PLCXD3: variants seen among roughly 807,000 people sequenced by gnomAD.
PLCXD3 encodes phosphatidylinositol specific phospholipase C X domain containing 3, also known as PI-PLC X domain-containing protein 3.
In PLCXD3, 19 loss-of-function variants were observed where a neutral mutation model predicts 25.5. The ratio of observed to expected loss-of-function variants is 0.75; its 90% CI spans 0.52 to 1.09. The LOEUF (loss-of-function observed/expected upper bound fraction) is 1.09. PLCXD3 is among the 50% of genes least tolerant of loss of function. The pLI is 0.00. For synonymous variants in PLCXD3, 174 were observed against 137.6 expected, an observed-to-expected ratio of 1.26 and a Z score of -1.85; for missense variants, 411 against 388.1, an observed-to-expected ratio of 1.06 and a Z score of -0.50.
intron 1 of PLCXD3, among the ~76,000 whole-genome samples, chr5:41,463,567 T>G (rs1285108069): frequency 6.6e-6 from 1 of 151,994 alleles, no homozygotes; most frequent in Admixed American, 6.6e-5. Context: ...CTGTTTCTCA[T>G]GTAAGAGATT....
At chr5:41,427,936 G>C (rs1198674785) in intron 1 of PLCXD3, among the ~76,000 whole-genome samples, 1 of 152,146 alleles carries the variant, frequency 6.6e-6, no homozygotes, top group Non-Finnish European at 1.5e-5. Context: ...CAAACACCTT[G>C]CATTTCTACC....
chr5:41,423,972 T>G (rs941402856), intron 1 of PLCXD3, among the ~76,000 whole-genome samples: 2 of 152,206 alleles, frequency 1.3e-5, no homozygotes, highest in African/African-American at 4.8e-5. Context: ...GTGAGAATAC[T>G]TAAGACCAAC....
chr5:41,385,461 T>C (rs1745607152), intron 1 of PLCXD3, among the ~76,000 whole-genome samples: 1 of 152,148 alleles, frequency 6.6e-6, no homozygotes, highest in South Asian at 2.1e-4. Flanking sequence ...TTGGTTGCTT[T>C]GGCTCTGAAT....
intron 2 of PLCXD3, among the ~76,000 whole-genome samples, chr5:41,320,139 C>G (rs1186412477): frequency 6.6e-6 from 1 of 151,958 alleles, no homozygotes; most frequent in African/African-American, 2.4e-5. Context: ...AAGAAAACCC[C>G]GAGACCTGAT....
chr5:41,488,299 G>T (rs1748567827), intron 1 of PLCXD3, among the ~76,000 whole-genome samples: 7 of 134,604 alleles, frequency 5.2e-5, no homozygotes, highest in African/African-American at 1.5e-4. Context: ...TGGTGTATAT[G>T]TGCCACATTT....
intron 1 of PLCXD3, among the ~76,000 whole-genome samples, chr5:41,492,448 G>A (rs1259870330): frequency 4.5e-4 from 69 of 151,882 alleles, no homozygotes; most frequent in African/African-American, 1.3e-3. Context: ...TCTTTGTGGC[G>A]TTCTCTGTAT....
intron 1 of PLCXD3, among the ~76,000 whole-genome samples, chr5:41,466,973 T>C (rs543054179): frequency 6.6e-6 from 1 of 152,288 alleles, no homozygotes; most frequent in East Asian, 1.9e-4. Context: ...GACACTTAGG[T>C]TGATTCTATA....
chr5:41,407,965 C>T (rs1026409041), intron 1 of PLCXD3, among the ~76,000 whole-genome samples: 1 of 152,098 alleles, frequency 6.6e-6, no homozygotes, highest in Non-Finnish European at 1.5e-5. Context: ...TTTGAGAAGT[C>T]CTATTTTACT....
At chr5:41,409,828 T>C (rs1194009661) in intron 1 of PLCXD3, among the ~76,000 whole-genome samples, 1 of 152,220 alleles carries the variant, frequency 6.6e-6, no homozygotes, top group Non-Finnish European at 1.5e-5. Context: ...ATATCACTAC[T>C]TATAAAGATT....
At chr5:41,487,921 TTTA>T (rs1302462992) in intron 1 of PLCXD3, among the ~76,000 whole-genome samples, 4 of 152,016 alleles carry the variant, frequency 2.6e-5, no homozygotes, top group Non-Finnish European at 5.9e-5. Context: ...ATTTTTTAAT[TTTA>T]TTATTATTAT....
At position 41,382,377 on chromosome 5, in the gene PLCXD3, C is replaced by T. The variant is rs761218496; in HGVS notation, c.261G>A (p.Gln87=). 20 of 1,613,356 alleles carry T rather than the reference C, an allele frequency of 1.2e-5. No individual in the cohort carries two copies. The Admixed American group carries it at 1.5e-4, about 12-fold the overall frequency. The change falls in exon 2 of 3, where the codon CAG becomes CAA. Residue 87 remains glutamine, a synonymous_variant. Coordinates refer to ENST00000377801, the MANE Select transcript of PLCXD3 (RefSeq NM_001005473.3). The part of the protein sequence containing the change: ...LATQTMNFTG[Q]LGAGIRYFDL... ...CAAAATAACGAATTCCAGCTCCTAG[C>T]TGGCCAGTAAAATTCATTGTCTGAG...
chr5:41,370,753 A>C (rs1178510971), intron 2 of PLCXD3, among the ~76,000 whole-genome samples: 1 of 152,194 alleles, frequency 6.6e-6, no homozygotes, highest in Non-Finnish European at 1.5e-5. Context: ...AAGAAAAAAT[A>C]TGCCTCCCTC....
chr5:41,418,814 A>C (rs1746750935), intron 1 of PLCXD3, among the ~76,000 whole-genome samples: 1 of 152,128 alleles, frequency 6.6e-6, no homozygotes, highest in Non-Finnish European at 1.5e-5. Context: ...CATTTTGGAG[A>C]AGAGTGTGAC....
At chr5:41,509,203 T>C (rs1440351238) in intron 1 of PLCXD3, among the ~76,000 whole-genome samples, 1 of 152,162 alleles carries the variant, frequency 6.6e-6, no homozygotes, top group African/African-American at 2.4e-5. Flanking sequence ...CTCCAACAGC[T>C]GAGAGGGGGC....
intron 2 of PLCXD3, among the ~76,000 whole-genome samples, chr5:41,343,814 G>T (rs1744226138): frequency 6.6e-6 from 1 of 151,982 alleles, no homozygotes; most frequent in Admixed American, 6.6e-5. Flanking sequence ...TTTTCCTAAA[G>T]CCCAAGCATT....
chr5:41,437,834 T>C (rs1457254291), intron 1 of PLCXD3, among the ~76,000 whole-genome samples: 1 of 152,088 alleles, frequency 6.6e-6, no homozygotes, highest in Non-Finnish European at 1.5e-5. Flanking sequence ...GGGAAGAAAT[T>C]GGATTATAAG....
At position 41,507,243 on chromosome 5, in the gene PLCXD3, T is replaced by C. The variant is rs146001564; in HGVS notation, c.103+3181A>G. Reference sequence around the variant, plus strand: ...CTCTGTTTATCCTCTCTCACCTGCTTATAGTGAAGGGCAGTATCATTCATA... The same window carrying C: ...CTCTGTTTATCCTCTCTCACCTGCTCATAGTGAAGGGCAGTATCATTCATA... On this transcript the variant is annotated intron_variant, in intron 1 of 2. Transcript: ENST00000377801. Among the ~76,000 whole-genome samples, 739 of 152,302 alleles carry C rather than the reference T, an allele frequency of 4.9e-3. 3 individuals are homozygous for C. The highest frequency in any genetic ancestry group is 0.016 in the African/African-American group (660 of 41,568).
intron 1 of PLCXD3, among the ~76,000 whole-genome samples, chr5:41,477,138 T>C (rs1443266272): frequency 2.0e-5 from 3 of 152,212 alleles, no homozygotes; most frequent in Non-Finnish European, 4.4e-5. Flanking sequence ...TCTGGCCCTC[T>C]GAACTAGGAG....
chr5:41,466,081 C>A (rs1201336703), intron 1 of PLCXD3, among the ~76,000 whole-genome samples: 1 of 152,050 alleles, frequency 6.6e-6, no homozygotes, highest in Non-Finnish European at 1.5e-5. Flanking sequence ...GTATTGCTTT[C>A]TTTTATGCTC....
Sources: gnomAD v4.1 joint callset for allele counts (sites outside exome capture counted in the v4.1 genomes callset) on GRCh38, gnomAD v4.1.1 for gene constraint, MANE v1.5 for transcripts, NCBI Gene and HGNC (gene_info 2026-07-23, HGNC 2026-07-21) for gene names.